The following SMIM35 variants were observed in gnomAD, a reference collection of about 807,000 sequenced individuals.
SMIM35 encodes the protein TMPRSS4 antisense RNA 1 (non-protein coding).
chr11:118,029,648 T>C (rs1222613847), intron 1 of SMIM35: 1 of 457,178 alleles, frequency 2.2e-6, no homozygotes, highest in Non-Finnish European at 4.4e-6. Context: ...ACCCCAGCAG[T>C]TTCTTCTAGC....
chr11:118,020,314 T>G (rs1017288572), intron 1 of SMIM35, among the ~76,000 whole-genome samples: 1 of 152,170 alleles, frequency 6.6e-6, no homozygotes, highest in African/African-American at 2.4e-5. Flanking sequence ...TGATAGCTGG[T>G]AAAATAAACG....
chr11:118,084,155 C>T (rs187737031), intron 1 of SMIM35, among the ~76,000 whole-genome samples: 2 of 152,262 alleles, frequency 1.3e-5, no homozygotes, highest in East Asian at 3.9e-4. Context: ...CTTTCTCTCT[C>T]TCCCTCTTTT....
chr11:118,036,599 G>C lies in SMIM35; in HGVS notation c.8-20790C>G, dbSNP rs147983659. 3.2e-3 allele frequency among the ~76,000 whole-genome samples: 489 copies of C among 152,326 alleles called. 3 individuals are homozygous for C. The highest frequency in any genetic ancestry group is 0.011 in the African/African-American group (452 of 41,580). On this transcript the variant is annotated intron_variant, in intron 1 of 4. Transcript: ENST00000689828. The stretch of plus-strand genomic sequence containing the variant: ...CTAAGCTGGGGGTGCCTGGGGAGAA[G>C]GGCGCTCCTTGGAGTGCCCCTCCAG...
At chr11:118,016,078 C>T (rs999876295) in intron 1 of SMIM35, among the ~76,000 whole-genome samples, 2 of 152,082 alleles carry the variant, frequency 1.3e-5, no homozygotes, top group Non-Finnish European at 2.9e-5. Context: ...TTTTTGAAGC[C>T]ACAGGCATAT....
intron 4 of SMIM35, among the ~76,000 whole-genome samples, chr11:118,010,847 A>C (rs1369637538): frequency 2.6e-5 from 4 of 152,224 alleles, no homozygotes; most frequent in Admixed American, 6.5e-5. Context: ...AGTGGAAAGA[A>C]GAACCGTAAA....
At chr11:118,068,993 A>T (rs1306520897) in intron 1 of SMIM35, among the ~76,000 whole-genome samples, 1 of 152,242 alleles carries the variant, frequency 6.6e-6, no homozygotes, top group Admixed American at 6.5e-5. Flanking sequence ...GGTTCAACCC[A>T]AAGAACTCAT....
At chr11:118,085,833 T>A (rs1945515084) in intron 1 of SMIM35, among the ~76,000 whole-genome samples, 1 of 152,046 alleles carries the variant, frequency 6.6e-6, no homozygotes, top group Admixed American at 6.6e-5. Context: ...TTCCTTCCTA[T>A]CAGACCCTTC....
chr11:118,035,510 G>A (rs746720672), intron 1 of SMIM35, among the ~76,000 whole-genome samples: 2 of 152,132 alleles, frequency 1.3e-5, no homozygotes, highest in South Asian at 2.1e-4. Context: ...GCTCAAAAAC[G>A]TATGTTCTAT....
At chr11:118,013,502 C>T (rs945060172) in intron 4 of SMIM35, among the ~76,000 whole-genome samples, 1 of 152,184 alleles carries the variant, frequency 6.6e-6, no homozygotes, top group African/African-American at 2.4e-5. Context: ...GCAAACAGAA[C>T]CTTCCCAGGA....
intron 1 of SMIM35, among the ~76,000 whole-genome samples, chr11:118,030,324 C>G (rs555710133): frequency 8.4e-4 from 128 of 152,176 alleles, no homozygotes; most frequent in African/African-American, 3.0e-3. Context: ...TGTGAGCCAT[C>G]GCACCCAACT....
At chr11:118,017,430 T>C (rs570491326) in intron 1 of SMIM35, among the ~76,000 whole-genome samples, 14 of 152,276 alleles carry the variant, frequency 9.2e-5, no homozygotes, top group African/African-American at 3.4e-4. Flanking sequence ...AAATGATTCC[T>C]GTATCCACAA....
chr11:118,025,223 T>G, intron 1 of SMIM35: 1 of 276,178 alleles, frequency 3.6e-6, no homozygotes, highest in Non-Finnish European at 7.0e-6. Context: ...AGTGCTGCAA[T>G]GAACATATGA....
rs139809814 is a variant in SMIM35 at position 118,034,826 on chromosome 11, C to G, written c.8-19017G>C. On this transcript the variant is annotated intron_variant, in intron 1 of 4. Transcript: ENST00000689828. The stretch of plus-strand genomic sequence containing the variant: ...GACAAGGGGGACGAGGAGCCAACCA[C>G]CTTATTATAACACCAGCCCAGGATG... Among the ~76,000 whole-genome samples, 91 of 152,348 alleles carry G rather than the reference C, an allele frequency of 6.0e-4. No homozygotes were observed. In the East Asian group the frequency reaches 0.012, roughly 20 times the overall value.
rs57261529 is a variant in SMIM35, at chr11:118,048,946, C to CAAAAAAAAAAAAAAAAAAA, written c.8-33138_8-33137insTTTTTTTTTTTTTTTTTTT. Reference sequence around the variant, plus strand: ...GCCTATCGCCTAGGCTGAAGAGCTGCAAAAAAAAAAAAAAAAAAGCAAGTG... The same window carrying CAAAAAAAAAAAAAAAAAAA: ...GCCTATCGCCTAGGCTGAAGAGCTGCAAAAAAAAAAAAAAAAAAAAAAAAAAAAAAAAAAAAAGCAAGTG... On this transcript the variant is annotated intron_variant, in intron 1 of 4. Transcript: ENST00000689828. Among the ~76,000 whole-genome samples the CAAAAAAAAAAAAAAAAAAA allele has an allele frequency of 4.1e-3, 249 of 60,298 alleles. 15 individuals carry two copies. Among genetic ancestry groups the CAAAAAAAAAAAAAAAAAAA allele is most frequent in the South Asian group, 4.9e-3 (7 of 1,442 alleles). 39.6% of individuals were successfully genotyped at this position (60,298 alleles called of 152,430 possible). A position where few individuals can be genotyped will look rare whatever the true frequency, so the allele number is the denominator to read the frequency against.
chr11:118,048,595 AAGC>A (rs1278416359), intron 1 of SMIM35, among the ~76,000 whole-genome samples: 1 of 142,114 alleles, frequency 7.0e-6, no homozygotes, highest in African/African-American at 2.6e-5. Flanking sequence ...GGAAGGAAGG[AAGC>A]AAGGAAGCAA....
chr11:118,076,468 A>G (rs1944691809), intron 1 of SMIM35, among the ~76,000 whole-genome samples: 1 of 152,100 alleles, frequency 6.6e-6, no homozygotes, highest in East Asian at 1.9e-4. Context: ...AGAAAAAAAG[A>G]AAGAAAGAAA....
At chr11:118,078,765 G>A (rs1178265104) in intron 1 of SMIM35, among the ~76,000 whole-genome samples, 1 of 152,146 alleles carries the variant, frequency 6.6e-6, no homozygotes, top group Non-Finnish European at 1.5e-5. Context: ...TCAGAAGGCT[G>A]AGGCCAGCTC....
chr11:118,073,020 C>T (rs1385099064), intron 1 of SMIM35, among the ~76,000 whole-genome samples: 2 of 152,298 alleles, frequency 1.3e-5, no homozygotes, highest in East Asian at 3.9e-4. Context: ...TGGGTTCAAG[C>T]GATTCTCCTG....
At chr11:118,022,743 G>A (rs1490524348) in intron 1 of SMIM35, among the ~76,000 whole-genome samples, 2 of 152,066 alleles carry the variant, frequency 1.3e-5, no homozygotes, top group Admixed American at 6.5e-5. Flanking sequence ...TGAGGCCAGA[G>A]AATCATCTGA....
Sources: gnomAD v4.1 joint callset for allele counts (sites outside exome capture counted in the v4.1 genomes callset) on GRCh38, gnomAD v4.1.1 for gene constraint, MANE v1.5 for transcripts, NCBI Gene and HGNC (gene_info 2026-07-23, HGNC 2026-07-21) for gene names.